SCAPER: variants seen among roughly 807,000 people sequenced by gnomAD.
The protein encoded by SCAPER is S phase cyclin A-associated protein in the endoplasmic reticulum.
In SCAPER, 98 loss-of-function variants were observed where a neutral mutation model predicts 182.2. That is an observed-to-expected ratio of 0.54 (90% CI 0.46 to 0.64). The LOEUF is 0.64. Ranked by LOEUF, SCAPER falls within the 30% of genes least tolerant of loss-of-function variation. The probability of loss-of-function intolerance (pLI) is 0.00; values close to 1 mark genes in which losing one functional copy is unlikely to be tolerated. For missense variants in SCAPER, 1,432 were observed against 1,690.0 expected (o/e 0.85, Z 2.68); for synonymous variants, 605 against 564.6 (o/e 1.07, Z -1.01).
Position 76,357,180 on chromosome 15 carries a change from A to G in SCAPER, c.3856-3040T>C, listed in dbSNP as rs139165625. 5.3e-3 allele frequency among the ~76,000 whole-genome samples: 810 copies of G among 151,576 alleles called. 13 individuals are homozygous for G. The highest frequency in any genetic ancestry group is 0.019 in the African/African-American group (770 of 41,354). ...CACACACACACACACACACACACAC[A>G]CACACACACCCCTATGGCCACTCAC... On this transcript the variant is annotated intron_variant, in intron 29 of 31. Coordinates refer to ENST00000563290, the MANE Select transcript of SCAPER (RefSeq NM_020843.4).
intron 20 of SCAPER, among the ~76,000 whole-genome samples, chr15:76,691,763 A>G (rs898452637): frequency 6.6e-6 from 1 of 152,158 alleles, no homozygotes; most frequent in Non-Finnish European, 1.5e-5. Context: ...TATTCTATGA[A>G]TAGTTTACAT....
Position 76,442,223 on chromosome 15 carries a change from T to G in SCAPER, c.3079-7913A>C, listed in dbSNP as rs76765388. Among the ~76,000 whole-genome samples, 1,255 of 152,284 alleles carry G rather than the reference T, an allele frequency of 8.2e-3. 15 individuals carry two copies. Among genetic ancestry groups the G allele is most frequent in the African/African-American group, 0.029 (1,194 of 41,538 alleles). ...GTTACTGTAGTCTATGAGGTACATC[T>G]TTTCTTTTCCCCACCCCCCAAAATA... On this transcript the variant is annotated intron_variant, in intron 25 of 31. Transcript: ENST00000563290.
At chr15:76,828,823 C>A (rs2151699615) in intron 5 of SCAPER, among the ~76,000 whole-genome samples, 1 of 152,272 alleles carries the variant, frequency 6.6e-6, no homozygotes, top group East Asian at 1.9e-4. Context: ...AATTTCAATT[C>A]CTGAGCTAAA....
intron 23 of SCAPER, among the ~76,000 whole-genome samples, chr15:76,524,979 T>C (rs2043096092): frequency 6.6e-6 from 1 of 152,100 alleles, no homozygotes; most frequent in Admixed American, 6.5e-5. Context: ...TAAAGCTAGA[T>C]TTTCTGTATG....
At chr15:76,463,300 A>G (rs157775) in intron 25 of SCAPER, among the ~76,000 whole-genome samples, 16,183 of 152,164 alleles carry the variant, frequency 0.11, 1,043 homozygotes, top group African/African-American at 0.18. Context: ...TAAAGAAACA[A>G]TGTGGTGAAT....
intron 21 of SCAPER, among the ~76,000 whole-genome samples, chr15:76,640,279 G>A (rs1404960633): frequency 1.3e-5 from 2 of 152,170 alleles, no homozygotes; most frequent in Non-Finnish European, 2.9e-5. Context: ...ATGGGAGATA[G>A]AATTATGAGT....
At chr15:76,550,804 T>G (rs952093468) in intron 23 of SCAPER, among the ~76,000 whole-genome samples, 2 of 152,010 alleles carry the variant, frequency 1.3e-5, no homozygotes, top group African/African-American at 4.8e-5. Context: ...AATTTACATT[T>G]CCACCAACAG....
Position 76,496,188 on chromosome 15 carries a change from A to C in SCAPER, c.2954+8671T>G, listed in dbSNP as rs180721701. The stretch of plus-strand genomic sequence containing the variant: ...TAGGCAACTGGCTTCTAATTTCAGG[A>C]AAATCATTGGTGAAATGTTTAAGTT... On this transcript the variant is annotated intron_variant, in intron 24 of 31. Coordinates refer to ENST00000563290, the MANE Select transcript of SCAPER (RefSeq NM_020843.4). Among the ~76,000 whole-genome samples, 633 of 151,894 alleles carry C rather than the reference A, an allele frequency of 4.2e-3. 1 individual carries two copies. Among genetic ancestry groups the C allele is most frequent in the Non-Finnish European group, 6.7e-3 (452 of 67,968 alleles).
At chr15:76,719,541 G>T (rs772112682) in intron 17 of SCAPER, among the ~76,000 whole-genome samples, 1 of 152,060 alleles carries the variant, frequency 6.6e-6, no homozygotes, top group Non-Finnish European at 1.5e-5. Flanking sequence ...TGAGATTTTA[G>T]TTGCCCTTGC....
chr15:76,441,907 T>C (rs1211426273), intron 25 of SCAPER, among the ~76,000 whole-genome samples: 1 of 152,162 alleles, frequency 6.6e-6, no homozygotes, highest in African/African-American at 2.4e-5. Flanking sequence ...ACATCAGACA[T>C]GTAGTAGATG....
chr15:76,715,349 G>C (rs965366460), intron 17 of SCAPER, among the ~76,000 whole-genome samples: 5 of 152,040 alleles, frequency 3.3e-5, no homozygotes, highest in Admixed American at 2.0e-4. Flanking sequence ...TTCTGGGGCT[G>C]ACCAGATATG....
chr15:76,504,108 G>C (rs574519842), intron 24 of SCAPER, among the ~76,000 whole-genome samples: 1 of 152,114 alleles, frequency 6.6e-6, no homozygotes, highest in South Asian at 2.1e-4. Flanking sequence ...GGCTAGCCTT[G>C]AACTTCTGGC....
intron 26 of SCAPER, among the ~76,000 whole-genome samples, chr15:76,424,920 T>C (rs1168667678): frequency 6.6e-6 from 1 of 152,196 alleles, no homozygotes; most frequent in Non-Finnish European, 1.5e-5. Flanking sequence ...GAAAATTCTT[T>C]TCTTTAAGAA....
rs1320322965 is a variant in SCAPER, at chr15:76,348,585, A to G, written c.*48T>C. 1.6e-6 allele frequency: 2 copies of G among 1,272,286 alleles called. No individual in the cohort carries two copies. Among genetic ancestry groups the G allele is most frequent in the Admixed American group, 2.4e-5 (1 of 41,356 alleles). 78.8% of individuals were successfully genotyped at this position (1,272,286 alleles called of 1,614,324 possible). A position where few individuals can be genotyped will look rare whatever the true frequency, so the allele number is the denominator to read the frequency against. On this transcript the variant is annotated 3_prime_UTR_variant, in exon 32 of 32. Transcript: ENST00000563290. ...AACAATTAGAATGTTTGTTTGGACA[A>G]TTTAAAATATTAACAAGGGTACTCA...
chr15:76,806,953 T>TG (rs1422327477), intron 5 of SCAPER, among the ~76,000 whole-genome samples: 2 of 152,106 alleles, frequency 1.3e-5, no homozygotes, highest in African/African-American at 2.4e-5. Context: ...CTCTAATAAT[T>TG]GGGGGGCAGG....
chr15:76,882,094 T>C (rs2073579501), intron 2 of SCAPER, among the ~76,000 whole-genome samples: 1 of 152,118 alleles, frequency 6.6e-6, no homozygotes, highest in African/African-American at 2.4e-5. Context: ...GGAATCTCTT[T>C]TGTCAAGATA....
chr15:76,834,772 C>G (rs983134450), intron 5 of SCAPER, among the ~76,000 whole-genome samples: 1 of 152,120 alleles, frequency 6.6e-6, no homozygotes, highest in Non-Finnish European at 1.5e-5. Flanking sequence ...ATTAGAGACA[C>G]TTCTGTGCAT....
chr15:76,634,218 C>T (rs2053401420), intron 21 of SCAPER, among the ~76,000 whole-genome samples: 1 of 152,218 alleles, frequency 6.6e-6, no homozygotes, highest in Non-Finnish European at 1.5e-5. Flanking sequence ...GCCTCCCTTG[C>T]CTGGGGGAGG....
chr15:76,580,568 AGG>A (rs2048194008), intron 22 of SCAPER, among the ~76,000 whole-genome samples: 1 of 152,216 alleles, frequency 6.6e-6, no homozygotes, highest in Non-Finnish European at 1.5e-5. Flanking sequence ...TAGCCTGGAC[AGG>A]AAAGCAAGAC....
Sources: allele counts gnomAD v4.1 joint callset (sites outside exome capture counted in the v4.1 genomes callset), GRCh38; gene constraint gnomAD v4.1.1; transcripts MANE v1.5; gene names NCBI Gene and HGNC (gene_info 2026-07-23, HGNC 2026-07-21).